Variants in CACNA1A observed in about 807,000 individuals in gnomAD.
The protein encoded by CACNA1A is voltage-dependent P/Q-type calcium channel subunit alpha-1A.
In CACNA1A, 57 loss-of-function variants were observed where a neutral mutation model predicts 262.4. The ratio of observed to expected loss-of-function variants is 0.22; its 90% CI spans 0.18 to 0.27. The LOEUF (loss-of-function observed/expected upper bound fraction) is 0.27, where lower values mean the gene tolerates loss of function less well. Among genes scored for constraint, CACNA1A ranks in the 10% least tolerant of loss-of-function variants. The pLI, the probability that CACNA1A is intolerant of heterozygous loss-of-function variation, is 1.00. For synonymous variants in CACNA1A, 1,431 were observed against 1,419.3 expected (o/e 1.01, Z -0.18); for missense variants, 2,526 against 3,562.8 (o/e 0.71, Z 7.41).
Position 13,214,739 on chromosome 19 carries a change from C to T in CACNA1A, c.5732-131G>A. 1.4e-6 allele frequency: 1 copy of T among 707,864 alleles called. No homozygotes were observed. Among genetic ancestry groups the T allele is most frequent in the South Asian group, 1.7e-5 (1 of 57,928 alleles). 43.8% of individuals were successfully genotyped at this position (707,864 alleles called of 1,614,324 possible). A position where few individuals can be genotyped will look rare whatever the true frequency, so the allele number is the denominator to read the frequency against. Reference sequence around the variant, plus strand: ...TGGTCCCCATGGGGTCTCCAGTTCCCCAACGGCCTGGCCCAGAGGAGGCCC... The same window carrying T: ...TGGTCCCCATGGGGTCTCCAGTTCCTCAACGGCCTGGCCCAGAGGAGGCCC... On this transcript the variant is annotated intron_variant, in intron 38 of 46. Transcript: ENST00000360228. This position sits in a 1 kb window ranked among gnomAD's most constrained non-coding sequence, Gnocchi z 4.1.
Position 13,402,883 on chromosome 19 carries a change from T to TACACACAC in CACNA1A, c.540-31105_540-31104insGTGTGTGT, listed in dbSNP as rs1568611167. Among the ~76,000 whole-genome samples, 9 of 77,916 alleles carry TACACACAC rather than the reference T, an allele frequency of 1.2e-4. No homozygotes were observed. In the East Asian group the frequency reaches 8.7e-3, roughly 76 times the overall value. The allele number at this position is 77,916 out of a possible 152,430, so 51.1% of individuals were successfully genotyped here. On this transcript the variant is annotated intron_variant, in intron 3 of 46. Transcript: ENST00000360228. ...ACACACACACACACACATATATATA[T>TACACACAC]ATATATATATATATATATATATATA...
chr19:13,419,076 G>T (rs10408946), intron 3 of CACNA1A, among the ~76,000 whole-genome samples: 1 of 152,062 alleles, frequency 6.6e-6, no homozygotes, highest in Non-Finnish European at 1.5e-5. Context: ...GCATTTTTCA[G>T]TAAAGAAGGA....
chr19:13,426,637 G>C (rs2060407991), intron 3 of CACNA1A, among the ~76,000 whole-genome samples: 1 of 152,226 alleles, frequency 6.6e-6, no homozygotes, highest in South Asian at 2.1e-4. Flanking sequence ...TGGAATTAAA[G>C]ACATAGTGGG....
chr19:13,342,742 T>G (rs893607828), intron 6 of CACNA1A, among the ~76,000 whole-genome samples: 1 of 152,214 alleles, frequency 6.6e-6, no homozygotes, highest in Non-Finnish European at 1.5e-5. Context: ...GGCAATGTTC[T>G]AGGTGATTAG....
At chr19:13,279,495 T>A (rs1182908554) in intron 22 of CACNA1A, among the ~76,000 whole-genome samples, 1 of 149,332 alleles carries the variant, frequency 6.7e-6, no homozygotes, top group Non-Finnish European at 1.5e-5. Context: ...TATTTTTTAA[T>A]TTTTTTTTGA....
rs1203863872 is a variant in CACNA1A at position 13,224,743 on chromosome 19, T to A, written c.5655A>T (p.Ala1885=). 2.5e-6 allele frequency: 4 copies of A among 1,610,828 alleles called. No individual in the cohort carries two copies. The highest frequency in any genetic ancestry group is 3.4e-6 in the Non-Finnish European group (4 of 1,178,752). Reference sequence around the variant, plus strand: ...AATTGAAGTGGACGGTGTTGTCATCTGCGACGGGCAGGTCCATCCGCAGAA... The same window carrying A: ...AATTGAAGTGGACGGTGTTGTCATCAGCGACGGGCAGGTCCATCCGCAGAA... ...KRLLRMDLPV[A]DDNTVHFNST... is the part of the protein sequence containing the mutation. The change falls in exon 38 of 47, where the codon GCA becomes GCT. Residue 1885 remains alanine (A), a synonymous_variant. Coordinates refer to ENST00000360228, the MANE Select transcript of CACNA1A (RefSeq NM_001127222.2).
intron 19 of CACNA1A, among the ~76,000 whole-genome samples, chr19:13,294,632 C>T (rs1409185601): frequency 2.0e-5 from 3 of 151,494 alleles, no homozygotes; most frequent in African/African-American, 4.9e-5. Context: ...GGATTATAGG[C>T]GTCCACCACC....
intron 11 of CACNA1A, among the ~76,000 whole-genome samples, chr19:13,313,159 G>A (rs929533011): frequency 1.3e-5 from 2 of 152,006 alleles, no homozygotes; most frequent in African/African-American, 2.4e-5. Flanking sequence ...CTGTGGCCAC[G>A]CCCTGTCCAA....
In CACNA1A at chr19:13,286,894, C is replaced by T. The variant is rs1057522586; in HGVS notation, c.3162G>A (p.Leu1054=). The change falls in exon 20 of 47, where the codon CTG becomes CTA. Residue 1054 remains leucine (L), a synonymous_variant. Transcript: ENST00000360228. ...LSTTRPIQQD[L]GRQDPPLAED... is the part of the protein sequence containing the mutation. ...CTGCCAGGGGTGGGTCTTGGCGGCCCAGGTCCTGCTGGATTGGCCGGGTGG... is the reference window on the plus strand; with the variant it reads ...CTGCCAGGGGTGGGTCTTGGCGGCCTAGGTCCTGCTGGATTGGCCGGGTGG... 6.2e-7 allele frequency: 1 copy of T among 1,613,414 alleles called. No individual in the cohort carries two copies. The highest frequency in any genetic ancestry group is 1.1e-5 in the South Asian group (1 of 91,066).
chr19:13,303,384 G>C (rs368286875), intron 17 of CACNA1A, among the ~76,000 whole-genome samples, 162 bp downstream of exon 17: 3 of 152,158 alleles, frequency 2.0e-5, no homozygotes, highest in South Asian at 4.2e-4. Context: ...TTCTGGGAGT[G>C]GGGGGAGAGG....
chr19:13,263,065 G>A (rs991267245), intron 24 of CACNA1A: 15 of 533,366 alleles, frequency 2.8e-5, no homozygotes, highest in Admixed American at 1.9e-4. Flanking sequence ...AGGGTTGGTT[G>A]AGGGCCCTTT....
At chr19:13,288,258 G>A (rs2057453451) in intron 19 of CACNA1A, among the ~76,000 whole-genome samples, 1 of 138,362 alleles carries the variant, frequency 7.2e-6, no homozygotes, top group Non-Finnish European at 1.6e-5. Context: ...TTTTTTAACT[G>A]AGACAGAGCC....
chr19:13,246,310 C>G (rs566426847), intron 30 of CACNA1A, among the ~76,000 whole-genome samples: 1 of 152,272 alleles, frequency 6.6e-6, no homozygotes, highest in African/African-American at 2.4e-5. Context: ...TAGATGGGGC[C>G]ATGTGTGTCT....
At chr19:13,462,719 G>A (rs1568669754) in intron 1 of CACNA1A, among the ~76,000 whole-genome samples, 1 of 152,128 alleles carries the variant, frequency 6.6e-6, no homozygotes, top group Non-Finnish European at 1.5e-5. Context: ...GGCAGAGCTG[G>A]GGCTCACACC....
chr19:13,503,200 C>T (rs980083699), intron 1 of CACNA1A, among the ~76,000 whole-genome samples: 1 of 152,108 alleles, frequency 6.6e-6, no homozygotes, highest in Non-Finnish European at 1.5e-5. Context: ...GGCAAAAGAA[C>T]GTACTGTGTG....
At chr19:13,316,439 C>T (rs905702372) in intron 11 of CACNA1A, 9 of 151,768 alleles carry the variant, frequency 5.9e-5, no homozygotes, top group African/African-American at 1.9e-4. Context: ...GGCCTTGTAC[C>T]TTGAGGGAGC....
At chr19:13,361,083 C>T (rs1293607609) in intron 5 of CACNA1A, among the ~76,000 whole-genome samples, 1 of 152,152 alleles carries the variant, frequency 6.6e-6, no homozygotes, top group Admixed American at 6.6e-5. Context: ...TTGTGTTATT[C>T]TCCTATAAGC....
At chr19:13,348,299 T>G (rs74495275) in intron 6 of CACNA1A, among the ~76,000 whole-genome samples, 4,777 of 151,110 alleles carry the variant, frequency 0.032, 246 homozygotes, top group African/African-American at 0.11. Flanking sequence ...AGGAGAGAAA[T>G]AGAGAAGAAG....
chr19:13,504,697 A>G (rs1982803623), intron 1 of CACNA1A, among the ~76,000 whole-genome samples: 2 of 152,224 alleles, frequency 1.3e-5, no homozygotes, highest in South Asian at 4.1e-4. Flanking sequence ...TGTGCGGAGA[A>G]GCGGCACATC....
Sources: gnomAD v4.1 joint callset for allele counts (sites outside exome capture counted in the v4.1 genomes callset) on GRCh38, gnomAD v4.1.1 for gene constraint, Gnocchi (gnomAD v3.1) non-coding constraint, MANE v1.5 for transcripts, NCBI Gene and HGNC (gene_info 2026-07-23, HGNC 2026-07-21) for gene names.